Variants in SREK1 observed in about 807,000 individuals in gnomAD.
SREK1 encodes splicing regulatory glutamic acid and lysine rich protein 1.
A neutral mutation model predicts 66.5 loss-of-function variants in SREK1; 13 were observed. The ratio of observed to expected loss-of-function variants is 0.20; its 90% CI spans 0.13 to 0.31. SREK1 has a LOEUF of 0.31. Among genes scored for constraint, SREK1 ranks in the 10% least tolerant of loss-of-function variants. SREK1 has a pLI of 1.00. For synonymous variants in SREK1, 265 were observed against 263.5 expected (o/e 1.01, Z -0.05); for missense variants, 607 against 769.6 (o/e 0.79, Z 2.50).
chr5:66,144,356 G>A lies in SREK1; in HGVS notation c.-21G>A. The A allele has an allele frequency of 6.6e-7, 1 of 1,522,964 alleles. No individual in the cohort carries two copies. The highest frequency in any genetic ancestry group is 8.9e-7 in the Non-Finnish European group (1 of 1,126,006). 94.3% of individuals were successfully genotyped at this position (1,522,964 alleles called of 1,614,324 possible). ...CGTCGTAGACGTTGGGGAGCGGGAAGGCAACGGCAGCGGGATCGGGATGAA... is the reference window on the plus strand; with the variant it reads ...CGTCGTAGACGTTGGGGAGCGGGAAAGCAACGGCAGCGGGATCGGGATGAA... On this transcript the variant is annotated 5_prime_UTR_variant, in exon 1 of 12. Transcript: ENST00000334121.
intron 9 of SREK1, among the ~76,000 whole-genome samples, chr5:66,173,111 A>G (rs927499301): frequency 1.3e-5 from 2 of 151,964 alleles, no homozygotes; most frequent in African/African-American, 4.8e-5. Context: ...GGAATTACAG[A>G]CGTGAGCCGC....
chr5:66,163,663 T>C, intron 5 of SREK1, 129 bp from the exon 6 acceptor site: 1 of 948,132 alleles, frequency 1.1e-6, no homozygotes, highest in Non-Finnish European at 1.5e-6. Flanking sequence ...CTTTTGGTTA[T>C]TCTGTATATC....
At chr5:66,145,035 T>C (rs1320022231) in intron 1 of SREK1, 2 of 986,114 alleles carry the variant, frequency 2.0e-6, no homozygotes, top group Middle Eastern at 5.2e-4. Context: ...GCTGTGTTTG[T>C]TTCCCAGGAC....
rs1010720632 is a variant in SREK1 at position 66,172,879 on chromosome 5, A to G, written c.1484+1932A>G. On this transcript the variant is annotated intron_variant, in intron 9 of 11. Coordinates refer to ENST00000334121, the MANE Select transcript of SREK1 (RefSeq NM_001077199.3). ...AGAGTGTCACTTTGTCACCCAGGCTAGAATGCAGTGGCACAATATCTGCTC... is the reference window on the plus strand; with the variant it reads ...AGAGTGTCACTTTGTCACCCAGGCTGGAATGCAGTGGCACAATATCTGCTC... Among the ~76,000 whole-genome samples, 92 of 138,910 alleles carry G rather than the reference A, an allele frequency of 6.6e-4. 2 individuals are homozygous for G. The highest frequency in any genetic ancestry group is 4.5e-5 in the Non-Finnish European group (3 of 66,452). 91.1% of individuals were successfully genotyped at this position (138,910 alleles called of 152,430 possible). A position where few individuals can be genotyped will look rare whatever the true frequency, so the allele number is the denominator to read the frequency against.
chr5:66,146,599 A>G (rs961563551), intron 1 of SREK1, among the ~76,000 whole-genome samples: 18 of 152,028 alleles, frequency 1.2e-4, no homozygotes, highest in Non-Finnish European at 5.9e-5. Flanking sequence ...CCTAAGTGCA[A>G]TACTAGATCC....
chr5:66,164,694 A>G (rs903280473), intron 6 of SREK1, 89 bp from the exon 7 acceptor site: 3 of 1,609,290 alleles, frequency 1.9e-6, no homozygotes, highest in Non-Finnish European at 2.5e-6. Context: ...CCCTTGCACT[A>G]TATGTGGTAC....
At chr5:66,152,148 G>A (rs541366085) in intron 1 of SREK1, among the ~76,000 whole-genome samples, 116 of 152,090 alleles carry the variant, frequency 7.6e-4, no homozygotes, top group Non-Finnish European at 1.3e-3. Context: ...CACTGCGCCC[G>A]GCGGTACATC....
In SREK1 at chr5:66,181,296, G is replaced by C. The variant is rs756894446; in HGVS notation, c.*2428G>C. The C allele has an allele frequency of 6.6e-6, 1 of 152,232 alleles. No homozygotes were observed. The highest frequency in any genetic ancestry group is 2.1e-4 in the South Asian group (1 of 4,830). 9.4% of individuals were successfully genotyped at this position (152,232 alleles called of 1,614,324 possible). On this transcript the variant is annotated 3_prime_UTR_variant, in exon 12 of 12. Transcript: ENST00000334121. ...TCTAGAGGGATGTGTGTGTGTGCTT[G>C]TGTGTCCATGTGTGCGCATGCGCAC...
intron 1 of SREK1, chr5:66,145,248 A>T: frequency 2.4e-6 from 2 of 829,376 alleles, no homozygotes; most frequent in Non-Finnish European, 2.9e-6. Flanking sequence ...TGGCATTCAC[A>T]GCTCGCGGCC....
chr5:66,156,800 T>G, intron 2 of SREK1: 3 of 985,408 alleles, frequency 3.0e-6, no homozygotes, highest in Non-Finnish European at 3.6e-6. Context: ...AATGGATATT[T>G]GAGAAACTTA....
intron 1 of SREK1, among the ~76,000 whole-genome samples, chr5:66,151,609 T>C (rs1447625521): frequency 6.6e-6 from 1 of 152,130 alleles, no homozygotes; most frequent in African/African-American, 2.4e-5. Context: ...AGCAGGCACT[T>C]GTACCTGGGA....
rs1746529704 is a variant in SREK1 at position 66,181,910 on chromosome 5, G to GGGC, written c.*3044_*3045insCGG. 1 of 126,942 alleles carries GGGC rather than the reference G, an allele frequency of 7.9e-6. No individual in the cohort carries two copies. The highest frequency in any genetic ancestry group is 2.8e-5 in the African/African-American group (1 of 35,594). 7.9% of individuals were successfully genotyped at this position (126,942 alleles called of 1,614,324 possible). On this transcript the variant is annotated 3_prime_UTR_variant, in exon 12 of 12. Coordinates refer to ENST00000334121, the MANE Select transcript of SREK1 (RefSeq NM_001077199.3). ...AAAAGGTTTTTTTGTCGGGGGGGGG[G>GGGC]GGGTCAAGAGAATTTATTTTGTGAT... is the stretch of plus-strand genomic sequence containing the variant.
chr5:66,181,275 G>C lies in SREK1; in HGVS notation c.*2407G>C, dbSNP rs1013131447. ...TGGAAGCAAGGCATTCTAGGGTCTA[G>C]AGGGATGTGTGTGTGTGCTTGTGTG... On this transcript the variant is annotated 3_prime_UTR_variant, in exon 12 of 12. Transcript: ENST00000334121. The C allele has an allele frequency of 1.3e-5, 2 of 152,196 alleles. No homozygotes were observed. The highest frequency in any genetic ancestry group is 4.8e-5 in the African/African-American group (2 of 41,458). The allele number at this position is 152,196 out of a possible 1,614,324, so 9.4% of individuals were successfully genotyped here. A position where few individuals can be genotyped will look rare whatever the true frequency, so the allele number is the denominator to read the frequency against.
chr5:66,156,838 T>C (rs1326514822), intron 2 of SREK1: 15 of 985,288 alleles, frequency 1.5e-5, no homozygotes, highest in Non-Finnish European at 1.8e-5. Flanking sequence ...TTTTGTTAGC[T>C]TGAATTTTTT....
intron 4 of SREK1, 39 bp from the exon 5 acceptor site, chr5:66,162,375 A>G (rs1368141728): frequency 1.9e-6 from 3 of 1,606,260 alleles, no homozygotes. Context: ...GATTTTTTAA[A>G]TGGATATATT....
chr5:66,177,753 G>C, intron 11 of SREK1, 95 bp downstream of exon 11: 2 of 978,900 alleles, frequency 2.0e-6, no homozygotes, highest in Non-Finnish European at 2.8e-6. Context: ...ACAGTGTCTT[G>C]TACATTGTTG....
At chr5:66,171,836 G>T (rs1745666754) in intron 9 of SREK1, among the ~76,000 whole-genome samples, 1 of 152,166 alleles carries the variant, frequency 6.6e-6, no homozygotes, top group South Asian at 2.1e-4. Flanking sequence ...CAGACATGAT[G>T]TCAGTAGACT....
chr5:66,159,334 T>C lies in SREK1; in HGVS notation c.411T>C (p.Thr137=), dbSNP rs772077546. The change falls in exon 3 of 12, where the codon ACT becomes ACC. Residue 137 remains threonine (T), a splice_region_variant and synonymous_variant. Coordinates refer to ENST00000334121, the MANE Select transcript of SREK1 (RefSeq NM_001077199.3). ...TACCGACCCCAAATCCTTTGACTAC[T>C]GTAAGTACTATAAGCTGGCTTATGA... The part of the protein sequence containing the change: ...LPIPTPNPLT[T]LGVSLSSLGA... 4.4e-6 allele frequency: 7 copies of C among 1,606,864 alleles called. No individual in the cohort carries two copies. In the East Asian group the frequency reaches 8.9e-5, roughly 21 times the overall value.
In SREK1 at chr5:66,178,726, A is replaced by C. The variant is rs2112118598; in HGVS notation, c.1733A>C (p.Glu578Ala). The C allele has an allele frequency of 6.2e-7, 1 of 1,608,582 alleles. No homozygotes were observed. ...CTTAATTACTCATTGTAGGAGAAAG[A>C]GCACAATAAAGAACCAGATTCAAGT... ...EKNSTSLKEKEHNKEPDSSVS... is the reference protein window; with the variant it reads ...EKNSTSLKEKAHNKEPDSSVS... The change falls in exon 12 of 12, where the codon GAG (glutamate) becomes GCG (alanine). Residue 578 changes from glutamate to alanine, a missense_variant. This residue lies in a region of SREK1 where 318 missense variants were observed against 310.3 expected (regional missense o/e 1.02). Coordinates refer to ENST00000334121, the MANE Select transcript of SREK1 (RefSeq NM_001077199.3).
Sources: allele counts gnomAD v4.1 joint callset (sites outside exome capture counted in the v4.1 genomes callset), GRCh38; gene constraint gnomAD v4.1.1; regional missense constraint gnomAD v4.1.1; transcripts MANE v1.5; gene names NCBI Gene and HGNC (gene_info 2026-07-23, HGNC 2026-07-21).